Variants in PITPNC1 observed in about 807,000 individuals in gnomAD.
PITPNC1 encodes the protein cytoplasmic phosphatidylinositol transfer protein 1.
In PITPNC1, 18 loss-of-function variants were observed where a neutral mutation model predicts 44.7. The ratio of observed to expected loss-of-function variants is 0.40; its 90% CI spans 0.28 to 0.60. The LOEUF (loss-of-function observed/expected upper bound fraction) is 0.60. PITPNC1 is among the 20% of genes least tolerant of loss of function. PITPNC1 has a pLI of 0.39. For missense variants in PITPNC1, 290 were observed against 418.4 expected (o/e 0.69, Z 2.68); for synonymous variants, 141 against 149.6 (o/e 0.94, Z 0.42).
chr17:67,534,496 G>A (rs1189611871), intron 2 of PITPNC1, among the ~76,000 whole-genome samples: 1 of 151,808 alleles, frequency 6.6e-6, no homozygotes, highest in Non-Finnish European at 1.5e-5. Context: ...AAATTAGCTG[G>A]GCATGGTGGT....
At chr17:67,378,279 C>G in intron 1 of PITPNC1, 77 bp downstream of exon 1, 2 of 985,328 alleles carry the variant, frequency 2.0e-6, no homozygotes, top group South Asian at 1.9e-5. Context: ...CGGCGAGCCC[C>G]GGGCGAGCGG....
Position 67,423,105 on chromosome 17 carries a change from A to G in PITPNC1, c.48+44903A>G, listed in dbSNP as rs1315141285. 6.6e-4 allele frequency among the ~76,000 whole-genome samples: 101 copies of G among 152,002 alleles called. 1 individual carries two copies. The highest frequency in any genetic ancestry group is 2.4e-5 in the African/African-American group (1 of 41,356). On this transcript the variant is annotated intron_variant, in intron 1 of 8. Transcript: ENST00000581322. ...GTTGAACAAAGTCCATTGATTCTTC[A>G]TGGAGGAGTGCTTGCTGGGGAGTGT...
At position 67,672,034 on chromosome 17, in the gene PITPNC1, A is replaced by G. The variant is rs2144405012; in HGVS notation, c.618+2371A>G. Among the ~76,000 whole-genome samples, 4 of 152,126 alleles carry G rather than the reference A, an allele frequency of 2.6e-5. 1 individual carries two copies. The Middle Eastern group carries it at 0.01, about 388-fold the overall frequency. On this transcript the variant is annotated intron_variant, in intron 7 of 8. Coordinates refer to ENST00000581322, the MANE Select transcript of PITPNC1 (RefSeq NM_012417.4). The stretch of plus-strand genomic sequence containing the variant: ...ACTGCAACCTCCACCTCCCAGGTTC[A>G]AGCAATTCTTGTGCCTGAGCCTCCT...
intron 1 of PITPNC1, among the ~76,000 whole-genome samples, chr17:67,530,518 G>C (rs943876045): frequency 6.6e-6 from 1 of 152,194 alleles, no homozygotes. Flanking sequence ...CTACCCTAAT[G>C]ACCTCATTGT....
At chr17:67,489,565 C>T (rs12948701) in intron 1 of PITPNC1, among the ~76,000 whole-genome samples, 7,136 of 152,156 alleles carry the variant, frequency 0.047, 222 homozygotes, top group Middle Eastern at 0.11. Context: ...CCTCTGATCC[C>T]GCCTCTAGAG....
chr17:67,469,059 G>GGATCT (rs1339271453), intron 1 of PITPNC1, among the ~76,000 whole-genome samples: 1 of 152,160 alleles, frequency 6.6e-6, no homozygotes, highest in Non-Finnish European at 1.5e-5. Context: ...GTATGGAGAG[G>GGATCT]GATCTGGGAG....
intron 1 of PITPNC1, among the ~76,000 whole-genome samples, chr17:67,409,956 ACACTATTGCTCTGAACT>A (rs1320090558): frequency 6.6e-6 from 1 of 152,154 alleles, no homozygotes; most frequent in Non-Finnish European, 1.5e-5. Context: ...GCTATTATGA[ACACTATTGCTCTGAACT>A]CACTTGAACG....
chr17:67,502,453 G>C (rs1463134595), intron 1 of PITPNC1, among the ~76,000 whole-genome samples: 1 of 152,102 alleles, frequency 6.6e-6, no homozygotes, highest in African/African-American at 2.4e-5. Context: ...GAAAATTTAG[G>C]ATATTGAAGA....
At chr17:67,494,802 T>A (rs1429111816) in intron 1 of PITPNC1, among the ~76,000 whole-genome samples, 1 of 151,864 alleles carries the variant, frequency 6.6e-6, no homozygotes, top group African/African-American at 2.4e-5. Context: ...CAAAACACCA[T>A]CTCTACAAAA....
chr17:67,475,932 G>A (rs911024690), intron 1 of PITPNC1, among the ~76,000 whole-genome samples: 7 of 152,078 alleles, frequency 4.6e-5, no homozygotes, highest in Admixed American at 2.0e-4. Context: ...GGTCTCTAAC[G>A]TAAAAAAACC....
chr17:67,618,094 C>T (rs1479836521), intron 5 of PITPNC1, among the ~76,000 whole-genome samples: 1 of 152,150 alleles, frequency 6.6e-6, no homozygotes, highest in Non-Finnish European at 1.5e-5. Context: ...GGTGCAGTGG[C>T]TCATGCTTAT....
intron 6 of PITPNC1, among the ~76,000 whole-genome samples, chr17:67,643,784 T>C (rs1469288306): frequency 6.6e-6 from 1 of 152,224 alleles, no homozygotes; most frequent in African/African-American, 2.4e-5. Flanking sequence ...GCACAGTCCC[T>C]GGCACACAGT....
intron 1 of PITPNC1, chr17:67,456,964 A>C (rs1232120174): frequency 3.3e-5 from 5 of 151,836 alleles, no homozygotes; most frequent in African/African-American, 1.2e-4. Flanking sequence ...TGTCTTCTCA[A>C]CTTTTCTTTT....
intron 1 of PITPNC1, among the ~76,000 whole-genome samples, chr17:67,501,764 T>C (rs781489113): frequency 6.6e-6 from 1 of 150,900 alleles, no homozygotes; most frequent in Non-Finnish European, 1.5e-5. Context: ...ACGTGGGAGG[T>C]GGAGGTTGCA....
At chr17:67,684,081 G>A (rs12937353) in intron 8 of PITPNC1, among the ~76,000 whole-genome samples, 89,456 of 148,776 alleles carry the variant, frequency 0.6, 28,465 homozygotes, top group Non-Finnish European at 0.71. Context: ...CCAAATTGAC[G>A]GTATCCATCT....
intron 1 of PITPNC1, among the ~76,000 whole-genome samples, chr17:67,462,772 G>A (rs936091550): frequency 7.6e-5 from 11 of 145,336 alleles, no homozygotes; most frequent in African/African-American, 2.9e-4. Context: ...GCGTGATATC[G>A]GCTCACCGCA....
intron 2 of PITPNC1, among the ~76,000 whole-genome samples, chr17:67,539,412 A>G (rs561201091): frequency 6.6e-6 from 1 of 152,384 alleles, no homozygotes; most frequent in African/African-American, 2.4e-5. Context: ...AAGCGATTCA[A>G]GTATCTGTGA....
Position 67,632,245 on chromosome 17 carries a change from A to T in PITPNC1, c.462+7A>T. The T allele has an allele frequency of 6.5e-7, 1 of 1,535,844 alleles. No individual in the cohort carries two copies. Among genetic ancestry groups the T allele is most frequent in the Non-Finnish European group, 9.0e-7 (1 of 1,108,890 alleles). On this transcript the variant is annotated splice_region_variant and intron_variant, in intron 6 of 8. Transcript: ENST00000581322. ...CTACTACAAAGAATCTGAGGTAAGCAACAGTTGGGATGAGATGTGGAAGAT... is the reference window on the plus strand; with the variant it reads ...CTACTACAAAGAATCTGAGGTAAGCTACAGTTGGGATGAGATGTGGAAGAT...
chr17:67,454,428 G>T (rs1001900510), intron 1 of PITPNC1, among the ~76,000 whole-genome samples: 1 of 151,976 alleles, frequency 6.6e-6, no homozygotes, highest in African/African-American at 2.4e-5. Flanking sequence ...CAGAGTTGCT[G>T]TATAGATTAA....
Sources: allele counts gnomAD v4.1 joint callset (sites outside exome capture counted in the v4.1 genomes callset), GRCh38; gene constraint gnomAD v4.1.1; transcripts MANE v1.5; gene names NCBI Gene and HGNC (gene_info 2026-07-23, HGNC 2026-07-21).